PLA2G7: variants seen among roughly 807,000 people sequenced by gnomAD.
PLA2G7 encodes the protein platelet-activating factor acetylhydrolase.
A neutral mutation model predicts 49.6 loss-of-function variants in PLA2G7; 63 were observed. That is an observed-to-expected ratio of 1.27 (90% CI 1.04 to 1.57). The LOEUF is 1.57. Ranked by LOEUF, PLA2G7 falls within the 40% of genes most tolerant of loss-of-function variation. The pLI, the probability that PLA2G7 is intolerant of heterozygous loss-of-function variation, is 0.00. For missense variants in PLA2G7, 596 were observed against 521.2 expected (o/e 1.14, Z -1.40); for synonymous variants, 193 against 169.9 (o/e 1.14, Z -1.06).
chr6:46,726,723 C>A (rs964885441), intron 1 of PLA2G7, among the ~76,000 whole-genome samples: 3 of 152,014 alleles, frequency 2.0e-5, no homozygotes, highest in Admixed American at 6.6e-5. Context: ...CTCACTGCAA[C>A]CTCCGCCTTC....
In PLA2G7 at chr6:46,712,277, T is replaced by C; in HGVS notation, c.531A>G (p.Val177=). The change falls in exon 6 of 12, where the codon GTA becomes GTG. Residue 177 remains valine, a synonymous_variant. Transcript: ENST00000274793. Reference sequence around the variant, plus strand: ...TATATCAGGTAACATACCTGTGTTCTACAGCAGCAACTATAAACCCATGAG... The same window carrying C: ...TATATCAGGTAACATACCTGTGTTCCACAGCAGCAACTATAAACCCATGAG... ...LASHGFIVAA[V]EHRDRSASAT... is the part of the protein sequence containing the mutation. 2 of 1,609,786 alleles carry C rather than the reference T, an allele frequency of 1.2e-6. No individual in the cohort carries two copies. Among genetic ancestry groups the C allele is most frequent in the South Asian group, 1.1e-5 (1 of 91,004 alleles).
chr6:46,708,968 A>T (rs76961447), intron 9 of PLA2G7, among the ~76,000 whole-genome samples: 62 of 152,290 alleles, frequency 4.1e-4, no homozygotes, highest in African/African-American at 1.4e-3. Context: ...TAATTAAAAA[A>T]TGTCCTGCCC....
At chr6:46,734,474 GAGAGAGAGAGAGAGA>G (rs1765847933) in intron 1 of PLA2G7, among the ~76,000 whole-genome samples, 1 of 127,786 alleles carries the variant, frequency 7.8e-6, no homozygotes, top group Non-Finnish European at 1.6e-5. Context: ...GAGAGAGAGA[GAGAGAGAGAGAGAGA>G]GACGGAGAGA....
chr6:46,717,029 TC>T lies in PLA2G7; in HGVS notation c.176del (p.Gly59GlufsTer12). ...TACAACCAACGGAATAAGGCCCATT[TC>T]CCCGGGGGATTTTAGTTTGGCCAAA... The part of the protein sequence containing the change: ...ASFGQTKIPR[G>X]NGPYSVGCTD... On this transcript the variant is annotated frameshift_variant, in exon 3 of 12. Coordinates refer to ENST00000274793, the MANE Select transcript of PLA2G7 (RefSeq NM_005084.4). LOFTEE classifies it high-confidence loss of function. The T allele has an allele frequency of 6.2e-7, 1 of 1,613,656 alleles. No individual in the cohort carries two copies. The highest frequency in any genetic ancestry group is 8.5e-7 in the Non-Finnish European group (1 of 1,179,588).
chr6:46,714,429 A>G (rs763058911), intron 5 of PLA2G7, 31 bp downstream of exon 5: 1 of 1,345,222 alleles, frequency 7.4e-7, no homozygotes, highest in South Asian at 1.2e-5. Flanking sequence ...TATTCCTGGA[A>G]GCCAAAATTG....
intron 4 of PLA2G7, 26 bp from the exon 5 acceptor site, chr6:46,714,579 T>C (rs1419526196): frequency 7.4e-7 from 1 of 1,350,704 alleles, no homozygotes; most frequent in South Asian, 1.2e-5. Flanking sequence ...AGGTTATAGT[T>C]AAGGTTTTCT....
At chr6:46,729,068 A>G (rs1315632204) in intron 1 of PLA2G7, among the ~76,000 whole-genome samples, 1 of 152,110 alleles carries the variant, frequency 6.6e-6, no homozygotes, top group East Asian at 1.9e-4. Context: ...AAGTCTACCA[A>G]TTGCTACACA....
intron 8 of PLA2G7, among the ~76,000 whole-genome samples, chr6:46,709,878 C>A (rs1764954311): frequency 6.6e-6 from 1 of 152,134 alleles, no homozygotes; most frequent in African/African-American, 2.4e-5. Flanking sequence ...AAGGAGCACA[C>A]ATGACAGACA....
chr6:46,734,461 A>T (rs11754743), intron 1 of PLA2G7, among the ~76,000 whole-genome samples: 4,467 of 127,262 alleles, frequency 0.035, 673 homozygotes, highest in African/African-American at 0.11. Flanking sequence ...AGAGAGAGAG[A>T]GAGAGAGAGA....
At chr6:46,704,744 T>A in intron 11 of PLA2G7, 48 bp from the exon 12 acceptor site, 2 of 1,230,442 alleles carry the variant, frequency 1.6e-6, no homozygotes, top group Non-Finnish European at 2.4e-6. Flanking sequence ...TTGAGAGCAT[T>A]AAACAGTTTG....
intron 6 of PLA2G7, 56 bp downstream of exon 6, chr6:46,712,213 G>T: frequency 1.9e-6 from 2 of 1,040,806 alleles, no homozygotes; most frequent in Non-Finnish European, 3.0e-6. Context: ...ACATAGTTAT[G>T]AGCATTGACA....
At chr6:46,728,307 C>T (rs766272593) in intron 1 of PLA2G7, among the ~76,000 whole-genome samples, 9 of 152,114 alleles carry the variant, frequency 5.9e-5, no homozygotes, top group Non-Finnish European at 1.3e-4. Flanking sequence ...TTGCCACAAC[C>T]AGGAGGGGGC....
rs766537476 is a variant in PLA2G7 at position 46,716,545 on chromosome 6, T to C, written c.232-17A>G. 6.2e-7 allele frequency: 1 copy of C among 1,612,406 alleles called. No homozygotes were observed. Among genetic ancestry groups the C allele is most frequent in the African/African-American group, 1.3e-5 (1 of 75,018 alleles). On this transcript the variant is annotated splice_polypyrimidine_tract_variant and intron_variant, in intron 3 of 11. Coordinates refer to ENST00000274793, the MANE Select transcript of PLA2G7 (RefSeq NM_005084.4). ...GAAGGTGCCCTGTTAAGAAAGAAAT[T>C]AATGCACTTTTAGAGAAGTTGTGTC...
chr6:46,721,369 A>G (rs1434636555), intron 2 of PLA2G7, among the ~76,000 whole-genome samples: 1 of 152,094 alleles, frequency 6.6e-6, no homozygotes, highest in East Asian at 1.9e-4. Context: ...TTGAACATTT[A>G]GAATGGGCAT....
rs763414894 is a variant in PLA2G7, at chr6:46,713,665, A to T, written c.470+795T>A. On this transcript the variant is annotated intron_variant, in intron 5 of 11. Coordinates refer to ENST00000274793, the MANE Select transcript of PLA2G7 (RefSeq NM_005084.4). ...ATTTTCTGAGTTTTACAATCCCTTG[A>T]AGTAGAAGAGGGGTGACAGGTGAGA... Among the ~76,000 whole-genome samples, 23 of 152,174 alleles carry T rather than the reference A, an allele frequency of 1.5e-4. 1 individual carries two copies. The highest frequency in any genetic ancestry group is 9.8e-4 in the Admixed American group (15 of 15,280).
At chr6:46,716,776 G>T (rs942940020) in intron 3 of PLA2G7, among the ~76,000 whole-genome samples, 199 bp downstream of exon 3, 2 of 152,186 alleles carry the variant, frequency 1.3e-5, no homozygotes, top group Non-Finnish European at 2.9e-5. Flanking sequence ...GAAAAATAAG[G>T]TTTATAGAGA....
rs202223822 is a variant in PLA2G7 at position 46,711,561 on chromosome 6, C to T, written c.598G>A (p.Asp200Asn). ...FKDQSAAEIG[D>N]KSWLYLRTLK... ...GTTCTAAGGTAGAGCCAAGACTTGT[C>T]CCCTATTTCTGCAGCAGATTGGTCC... Residue 200 changes from aspartate to asparagine, a missense_variant, in exon 7 of 12, where the codon GAC (aspartate) becomes AAC (asparagine). Transcript: ENST00000274793. 1 of 1,613,570 alleles carries T rather than the reference C, an allele frequency of 6.2e-7. No individual in the cohort carries two copies. Among genetic ancestry groups the T allele is most frequent in the Non-Finnish European group, 8.5e-7 (1 of 1,179,496 alleles).
chr6:46,708,256 C>A, intron 9 of PLA2G7, 95 bp from the exon 10 acceptor site: 1 of 915,622 alleles, frequency 1.1e-6, no homozygotes, highest in Non-Finnish European at 1.8e-6. Flanking sequence ...TGGACACGCA[C>A]CATACCAGTT....
Position 46,704,679 on chromosome 6 carries a change from C to A in PLA2G7, c.1207G>T (p.Asp403Tyr). The change falls in exon 12 of 12, where the codon GAT (aspartate) becomes TAT (tyrosine). Residue 403 changes from aspartate to tyrosine, a missense_variant. Transcript: ENST00000274793. Reference sequence around the variant, plus strand: ...CCTTCAATCAAGCAGTCCCACTGATCAAAATCTTTATGAAGTCCTATAAAA... The same window carrying A: ...CCTTCAATCAAGCAGTCCCACTGATAAAAATCTTTATGAAGTCCTATAAAA... ...QKHLGLHKDF[D>Y]QWDCLIEGDD... 1 of 1,580,058 alleles carries A rather than the reference C, an allele frequency of 6.3e-7. No individual in the cohort carries two copies. The highest frequency in any genetic ancestry group is 1.1e-5 in the South Asian group (1 of 90,474).
Sources: allele counts gnomAD v4.1 joint callset (sites outside exome capture counted in the v4.1 genomes callset), GRCh38; gene constraint gnomAD v4.1.1; transcripts MANE v1.5; gene names NCBI Gene and HGNC (gene_info 2026-07-23, HGNC 2026-07-21).